TRPM1: variants seen among roughly 807,000 people sequenced by gnomAD.
TRPM1 encodes TRPM1-203 APA Isoform, Intron 10.
Under a neutral mutation model 149.4 loss-of-function variants are expected in TRPM1, and 113 were observed. The observed-to-expected ratio is 0.76, with a 90% CI of 0.65 to 0.88. TRPM1 has a LOEUF of 0.88. TRPM1 is among the 40% of genes least tolerant of loss of function. The pLI, the probability that TRPM1 is intolerant of heterozygous loss-of-function variation, is 0.00. For synonymous variants in TRPM1, 741 were observed against 759.5 expected, an observed-to-expected ratio of 0.98 and a Z score of 0.40; for missense variants, 1,976 against 2,038.7, an observed-to-expected ratio of 0.97 and a Z score of 0.59.
At chr15:31,014,560 T>C (rs1322191808) in intron 27 of TRPM1, among the ~76,000 whole-genome samples, 1 of 152,214 alleles carries the variant, frequency 6.6e-6, no homozygotes, top group Non-Finnish European at 1.5e-5. Flanking sequence ...AAGAATGCCC[T>C]AGGTTGCTTA....
In TRPM1 at chr15:31,002,225, C is replaced by G. The variant is rs199726653; in HGVS notation, c.4475G>C (p.Trp1492Ser). Residue 1492 changes from tryptophan to serine, a missense_variant, in exon 28 of 28, where the codon TGG becomes TCG. Coordinates refer to ENST00000256552, the MANE Select transcript of TRPM1 (RefSeq NM_001252024.2). Reference protein sequence around the residue: ...SITDQQLTTEWQCQVQKITRS... With the variant: ...SITDQQLTTESQCQVQKITRS... ...CGTGATCTTTTGAACTTGGCATTGC[C>G]ATTCCGTCGTCAATTGCTGGTCCGT... 1.9e-6 allele frequency: 3 copies of G among 1,614,228 alleles called. No individual in the cohort carries two copies. In the South Asian group the frequency reaches 3.3e-5, roughly 18 times the overall value.
intron 1 of TRPM1, among the ~76,000 whole-genome samples, chr15:31,090,649 G>C (rs888112819): frequency 7.6e-6 from 1 of 131,618 alleles, no homozygotes; most frequent in African/African-American, 2.7e-5. Context: ...AAACAAAAAA[G>C]AAAAAAAAAA....
intron 1 of TRPM1, among the ~76,000 whole-genome samples, chr15:31,156,195 C>CAA (rs35981768): frequency 0.35 from 12,721 of 36,538 alleles, 2,869 homozygotes; most frequent in East Asian, 0.63. Flanking sequence ...AGACCTCTGT[C>CAA]AAAAAAAAAA....
At chr15:31,021,680 AGCAGTACCCTGTCTCT>A in intron 27 of TRPM1, among the ~76,000 whole-genome samples, 1 of 151,796 alleles carries the variant, frequency 6.6e-6, no homozygotes, top group Non-Finnish European at 1.5e-5. Flanking sequence ...TGGGCAACAA[AGCAGTACCCTGTCTCT>A]AGAATTAAAA....
chr15:31,062,853 T>C (rs773132751), intron 8 of TRPM1, 151 bp from the exon 9 acceptor site: 2 of 1,023,390 alleles, frequency 2.0e-6, no homozygotes, highest in Non-Finnish European at 2.9e-6. Flanking sequence ...AACATCGTAT[T>C]CTCACTTGTC....
chr15:31,069,999 C>T (rs750345683), intron 4 of TRPM1, 32 bp downstream of exon 4: 1 of 1,614,190 alleles, frequency 6.2e-7, no homozygotes, highest in Non-Finnish European at 8.5e-7. Context: ...AGCTGTGATC[C>T]TAGTGGCACC....
Position 31,149,764 on chromosome 15 carries a change from C to A in TRPM1, c.54+11142G>T, listed in dbSNP as rs557790012. Among the ~76,000 whole-genome samples the A allele has an allele frequency of 5.3e-3, 809 of 152,220 alleles. 3 individuals carry two copies. Among genetic ancestry groups the A allele is most frequent in the Non-Finnish European group, 8.9e-3 (607 of 67,984 alleles). On this transcript the variant is annotated intron_variant, in intron 1 of 26. Transcript: ENST00000542188. ...TCGATCTCCTGACCTTGTGATCCGCCCGCCTTGGCCTCCCAAAGTGCTGGG... is the reference window on the plus strand; with the variant it reads ...TCGATCTCCTGACCTTGTGATCCGCACGCCTTGGCCTCCCAAAGTGCTGGG...
At chr15:31,115,009 C>T (rs963573465) in intron 1 of TRPM1, among the ~76,000 whole-genome samples, 3 of 152,206 alleles carry the variant, frequency 2.0e-5, no homozygotes, top group Admixed American at 2.0e-4. Context: ...AATCCCAGCA[C>T]TTTGGGAGGC....
At chr15:31,070,544 T>C in intron 3 of TRPM1, 1 of 567,126 alleles carries the variant, frequency 1.8e-6, no homozygotes, top group South Asian at 1.6e-5. Context: ...AGTATAGACA[T>C]GCCCTCCGAA....
intron 1 of TRPM1, among the ~76,000 whole-genome samples, chr15:31,136,895 T>C (rs564495844): frequency 4.7e-4 from 72 of 152,310 alleles, no homozygotes; most frequent in African/African-American, 1.7e-3. Context: ...CTGTAATTTC[T>C]TCTTTTGACA....
At chr15:31,023,243 G>A (rs549742860) in intron 27 of TRPM1, among the ~76,000 whole-genome samples, 4 of 152,330 alleles carry the variant, frequency 2.6e-5, no homozygotes, top group Non-Finnish European at 5.9e-5. Context: ...AGGAGGGTGA[G>A]GTGCATCAGA....
intron 6 of TRPM1, among the ~76,000 whole-genome samples, chr15:31,066,791 T>TG (rs2034388748): frequency 6.6e-6 from 1 of 151,180 alleles, no homozygotes; most frequent in Admixed American, 6.6e-5. Context: ...AAGGAAGAGG[T>TG]GGGGGTAGGA....
At position 31,050,432 on chromosome 15, in the gene TRPM1, G is replaced by C. The variant is rs371853965; in HGVS notation, c.1414C>G (p.Arg472Gly). 1 of 1,614,018 alleles carries C rather than the reference G, an allele frequency of 6.2e-7. No individual in the cohort carries two copies. The highest frequency in any genetic ancestry group is 2.2e-5 in the East Asian group (1 of 44,860). ...KEEVEEETDPRKIELLNWVNA... is the reference protein window; with the variant it reads ...KEEVEEETDPGKIELLNWVNA... ...ACCCAGTTCAGCAGCTCTATCTTCC[G>C]GGGGTCAGTTTCTTCCTCCACTTCC... The change falls in exon 12 of 28, where the codon CGG becomes GGG. Residue 472 changes from arginine (R) to glycine (G), a missense_variant. Around this residue, in one of 3 missense-constraint regions of TRPM1, gnomAD observed 1,332 missense variants for 1,347.1 expected, o/e 0.99. Transcript: ENST00000256552.
chr15:31,098,099 T>C (rs1202065380), intron 1 of TRPM1, among the ~76,000 whole-genome samples: 1 of 152,236 alleles, frequency 6.6e-6, no homozygotes, highest in Non-Finnish European at 1.5e-5. Context: ...AAATTATGTC[T>C]GTGGCGCGTG....
chr15:31,045,410 G>C (rs550198530), intron 16 of TRPM1, among the ~76,000 whole-genome samples: 1 of 152,184 alleles, frequency 6.6e-6, no homozygotes, highest in South Asian at 2.1e-4. Flanking sequence ...GATTTTCCTG[G>C]ATTTTCTAAC....
intron 1 of TRPM1, among the ~76,000 whole-genome samples, chr15:31,143,460 G>C (rs1292496175): frequency 6.6e-6 from 1 of 152,150 alleles, no homozygotes; most frequent in Non-Finnish European, 1.5e-5. Context: ...CGCTGGAGTA[G>C]AGTGGTGCTG....
chr15:31,049,880 A>T (rs1240712103), intron 12 of TRPM1, among the ~76,000 whole-genome samples: 2 of 152,116 alleles, frequency 1.3e-5, no homozygotes, highest in Non-Finnish European at 2.9e-5. Context: ...CGTGTGGGTG[A>T]GTGACTGTGA....
rs576289604 is a variant in TRPM1 at position 31,035,578 on chromosome 15, T to C, written c.2668A>G (p.Ile890Val). The C allele has an allele frequency of 2.5e-6, 4 of 1,614,024 alleles. No homozygotes were observed. Among genetic ancestry groups the C allele is most frequent in the Non-Finnish European group, 3.4e-6 (4 of 1,180,018 alleles). ...SLQEWIVISY[I>V]VSLALEKIRE... ...ATCTTCTCTAACGCCAGGCTCACGA[T>C]GTAGGAGATGACGATCCACTCCTGG... Residue 890 changes from isoleucine to valine, a missense_variant, in exon 21 of 28, where the codon ATC (isoleucine) becomes GTC (valine). Coordinates refer to ENST00000256552, the MANE Select transcript of TRPM1 (RefSeq NM_001252024.2).
rs2140919852 is a variant in TRPM1, at chr15:31,035,937, C to A, written c.2572-263G>T. On this transcript the variant is annotated intron_variant, in intron 20 of 27. Transcript: ENST00000256552. ...GAGACATATTGGTTGGTGCTGTCAT[C>A]CTCATGGGGAAACTATGAAGTTGCA... 4 of 533,496 alleles carry A rather than the reference C, an allele frequency of 7.5e-6. No homozygotes were observed. The East Asian group carries it at 1.4e-4, about 18-fold the overall frequency. 33.0% of individuals were successfully genotyped at this position (533,496 alleles called of 1,614,324 possible).
Sources: allele counts gnomAD v4.1 joint callset (sites outside exome capture counted in the v4.1 genomes callset), GRCh38; gene constraint gnomAD v4.1.1; regional missense constraint gnomAD v4.1.1; transcripts MANE v1.5; gene names NCBI Gene and HGNC (gene_info 2026-07-23, HGNC 2026-07-21).